The following CSMD3 variants were observed in gnomAD, a reference collection of about 807,000 sequenced individuals.
CSMD3 encodes the protein CUB and Sushi multiple domains 3, also known as CUB and sushi domain-containing protein 3.
A neutral mutation model predicts 435.2 loss-of-function variants in CSMD3; 177 were observed. The ratio of observed to expected loss-of-function variants is 0.41; its 90% confidence interval spans 0.36 to 0.46. The LOEUF (loss-of-function observed/expected upper bound fraction) is 0.46. Among genes scored for constraint, CSMD3 ranks in the 20% least tolerant of loss-of-function variants. CSMD3 has a pLI of 0.34. For missense variants in CSMD3, 4,265 were observed against 4,504.6 expected (o/e 0.95, Z 1.52); for synonymous variants, 1,656 against 1,520.5 (o/e 1.09, Z -2.07).
At chr8:112,836,785 T>C (rs231320) in intron 11 of CSMD3, among the ~76,000 whole-genome samples, 38,464 of 151,684 alleles carry the variant, frequency 0.25, 5,346 homozygotes, top group Non-Finnish European at 0.32. Context: ...AGTCATTCGA[T>C]TTGAGGTTTC....
intron 5 of CSMD3, among the ~76,000 whole-genome samples, chr8:113,072,069 G>C (rs533446883): frequency 6.6e-6 from 1 of 151,504 alleles, no homozygotes; most frequent in African/African-American, 2.4e-5. Flanking sequence ...TATTGCTATT[G>C]TAAAGGAGAT....
At chr8:112,529,328 T>C (rs1825296106) in intron 27 of CSMD3, among the ~76,000 whole-genome samples, 1 of 152,154 alleles carries the variant, frequency 6.6e-6, no homozygotes, top group South Asian at 2.1e-4. Flanking sequence ...TGCGGTACAG[T>C]GGCTCACACC....
intron 13 of CSMD3, among the ~76,000 whole-genome samples, chr8:112,754,011 G>C (rs961066315): frequency 6.6e-6 from 1 of 152,198 alleles, no homozygotes; most frequent in African/African-American, 2.4e-5. Flanking sequence ...GGCTGAATAA[G>C]AGAAAAGTCT....
chr8:113,161,810 C>G (rs2092045345), intron 4 of CSMD3, among the ~76,000 whole-genome samples: 1 of 152,156 alleles, frequency 6.6e-6, no homozygotes, highest in East Asian at 1.9e-4. Flanking sequence ...AATCTTCTCA[C>G]TTGAAATTGT....
chr8:112,991,436 T>C (rs1174701667), intron 6 of CSMD3, among the ~76,000 whole-genome samples: 1 of 151,818 alleles, frequency 6.6e-6, no homozygotes, highest in East Asian at 1.9e-4. Context: ...ATGCATTTTA[T>C]TTTGGATTAT....
intron 40 of CSMD3, among the ~76,000 whole-genome samples, chr8:112,350,622 A>G (rs1826055375): frequency 1.3e-5 from 2 of 152,114 alleles, no homozygotes; most frequent in Admixed American, 1.3e-4. Context: ...TACAAAAAAA[A>G]ATGAGGAAGA....
chr8:112,494,862 T>C (rs1157953972), intron 30 of CSMD3, among the ~76,000 whole-genome samples: 1 of 151,870 alleles, frequency 6.6e-6, no homozygotes, highest in Non-Finnish European at 1.5e-5. Context: ...CATGTGCAAA[T>C]AGATAAATGT....
intron 7 of CSMD3, among the ~76,000 whole-genome samples, chr8:112,958,749 A>C (rs909789306): frequency 3.3e-5 from 5 of 152,222 alleles, no homozygotes; most frequent in African/African-American, 1.2e-4. Flanking sequence ...TTCCAATATC[A>C]ACTTTTTTGA....
chr8:112,752,900 CGTGTGTGTGTGTGTGT>C (rs10617885), intron 13 of CSMD3, among the ~76,000 whole-genome samples: 34 of 146,588 alleles, frequency 2.3e-4, no homozygotes, highest in Middle Eastern at 3.4e-3. Flanking sequence ...TTTGTTACCG[CGTGTGTGTGTGTGTGT>C]GTGTGTGTGT....
intron 32 of CSMD3, among the ~76,000 whole-genome samples, chr8:112,412,357 G>T (rs1282530735): frequency 3.1e-5 from 2 of 64,808 alleles, no homozygotes; most frequent in Non-Finnish European, 6.6e-5. Context: ...TGATTAACAA[G>T]CTCCGTGGTG....
chr8:113,367,705 G>T (rs998008097), intron 1 of CSMD3, among the ~76,000 whole-genome samples: 1 of 151,884 alleles, frequency 6.6e-6, no homozygotes, highest in Non-Finnish European at 1.5e-5. Context: ...TTCCATTCAG[G>T]GCCTTTGCAC....
intron 7 of CSMD3, among the ~76,000 whole-genome samples, chr8:112,970,394 T>TAAA (rs2084603055): frequency 1.7e-5 from 1 of 57,592 alleles, no homozygotes; most frequent in African/African-American, 7.0e-5. Flanking sequence ...AGACTCCCTC[T>TAAA]CAAAAAAAAA....
chr8:113,176,496 A>T (rs2092348560), intron 3 of CSMD3, among the ~76,000 whole-genome samples: 1 of 152,162 alleles, frequency 6.6e-6, no homozygotes, highest in Non-Finnish European at 1.5e-5. Context: ...GTTCTGATTG[A>T]ACATTCTCTT....
intron 3 of CSMD3, among the ~76,000 whole-genome samples, chr8:113,212,850 C>T (rs1036855116): frequency 1.3e-5 from 2 of 149,998 alleles, no homozygotes; most frequent in African/African-American, 4.9e-5. Flanking sequence ...AACTAACCTG[C>T]ACATTATGCA....
At chr8:112,723,446 G>A (rs1490859873) in intron 13 of CSMD3, among the ~76,000 whole-genome samples, 2 of 152,098 alleles carry the variant, frequency 1.3e-5, no homozygotes, top group Non-Finnish European at 2.9e-5. Flanking sequence ...CTTGAAGGCA[G>A]CAAATGGCTT....
At chr8:112,814,972 C>T (rs370400857) in intron 12 of CSMD3, among the ~76,000 whole-genome samples, 60 of 54,360 alleles carry the variant, frequency 1.1e-3, no homozygotes, top group African/African-American at 5.1e-3. Context: ...ATGCAACTTT[C>T]GCTTTTTATG....
chr8:113,378,563 A>G (rs2094400196), intron 1 of CSMD3, among the ~76,000 whole-genome samples: 1 of 152,158 alleles, frequency 6.6e-6, no homozygotes, highest in African/African-American at 2.4e-5. Flanking sequence ...TGTGTTTTTG[A>G]AATTTATAGA....
chr8:113,021,778 G>A lies in CSMD3; in HGVS notation c.918-2599C>T, dbSNP rs79484432. On this transcript the variant is annotated intron_variant, in intron 5 of 70. Transcript: ENST00000297405. ...TTTACTTTCAGTAATCTAAGGGAGT[G>A]GACCTGAAGAAAGTAGAGCTGCAGT... Among the ~76,000 whole-genome samples, 712 of 152,290 alleles carry A rather than the reference G, an allele frequency of 4.7e-3. 5 individuals are homozygous for A. The highest frequency in any genetic ancestry group is 0.016 in the African/African-American group (670 of 41,556).
In CSMD3 at chr8:113,233,594, A is replaced by G. The variant is rs148312920; in HGVS notation, c.514+44998T>C. ...CCACTATATAGATAATTAAATGTAA[A>G]CAGACTATAAACATCAATGAAAAAA... On this transcript the variant is annotated intron_variant, in intron 3 of 70. Transcript: ENST00000297405. Among the ~76,000 whole-genome samples the G allele has an allele frequency of 8.3e-3, 1,255 of 151,692 alleles. 17 individuals are homozygous for G. The highest frequency in any genetic ancestry group is 0.028 in the African/African-American group (1,175 of 41,494).
Sources: allele counts gnomAD v4.1 joint callset (sites outside exome capture counted in the v4.1 genomes callset), GRCh38; gene constraint gnomAD v4.1.1; transcripts MANE v1.5; gene names NCBI Gene and HGNC (gene_info 2026-07-23, HGNC 2026-07-21).